INPP4B: variants seen among roughly 807,000 people sequenced by gnomAD.
INPP4B encodes the protein inositol polyphosphate 4-phosphatase type II.
INPP4B carries 55 observed loss-of-function variants against 122.5 expected under a neutral mutation model. The observed-to-expected ratio is 0.45, with a 90% CI of 0.36 to 0.56. The LOEUF (loss-of-function observed/expected upper bound fraction) is 0.56. Ranked by LOEUF, INPP4B falls within the 20% of genes least tolerant of loss-of-function variation. INPP4B has a pLI of 0.00. For synonymous variants in INPP4B, 403 were observed against 388.7 expected (o/e 1.04, Z -0.43); for missense variants, 1,000 against 1,097.7 (o/e 0.91, Z 1.26).
chr4:142,108,645 A>G (rs1204370205), intron 22 of INPP4B, among the ~76,000 whole-genome samples: 3 of 152,280 alleles, frequency 2.0e-5, no homozygotes, highest in East Asian at 3.9e-4. Flanking sequence ...AGTCTTGCCC[A>G]CACTATCAAC....
At chr4:142,645,163 A>G (rs1056445946) in intron 2 of INPP4B, among the ~76,000 whole-genome samples, 8 of 152,208 alleles carry the variant, frequency 5.3e-5, no homozygotes, top group Non-Finnish European at 7.3e-5. Context: ...ACAAAAAGTA[A>G]GGACATTTGT....
chr4:142,032,005 A>ATG (rs1740534235), intron 25 of INPP4B, among the ~76,000 whole-genome samples: 1 of 152,196 alleles, frequency 6.6e-6, no homozygotes, highest in Non-Finnish European at 1.5e-5. Context: ...AAAGATTCAT[A>ATG]TGTGTGTGAG....
intron 3 of INPP4B, among the ~76,000 whole-genome samples, chr4:142,439,904 C>A (rs1442371699): frequency 6.6e-6 from 1 of 152,202 alleles, no homozygotes; most frequent in Non-Finnish European, 1.5e-5. Context: ...TCCATGATGA[C>A]TTCTCTTTCT....
chr4:142,384,217 T>A, intron 7 of INPP4B: 1 of 670,010 alleles, frequency 1.5e-6, no homozygotes, highest in Non-Finnish European at 2.7e-6. Flanking sequence ...AGAAATACCT[T>A]AGAAAAAACA....
chr4:142,779,334 A>G (rs1774435230), intron 1 of INPP4B, among the ~76,000 whole-genome samples: 1 of 152,148 alleles, frequency 6.6e-6, no homozygotes, highest in African/African-American at 2.4e-5. Flanking sequence ...TTAATTATAT[A>G]AAGTCCCAAG....
chr4:142,620,723 TACA>T (rs576216747), intron 2 of INPP4B, among the ~76,000 whole-genome samples: 177 of 152,176 alleles, frequency 1.2e-3, no homozygotes, highest in African/African-American at 4.2e-3. Context: ...CATAGAATTT[TACA>T]ACTATTTAGC....
intron 2 of INPP4B, among the ~76,000 whole-genome samples, chr4:142,544,158 T>TGTGTGTGTGTGTGTGTGTGTGG (rs1829282690): frequency 6.6e-6 from 1 of 151,050 alleles, no homozygotes; most frequent in East Asian, 1.9e-4. Flanking sequence ...TGTGTGTGTG[T>TGTGTGTGTGTGTGTGTGTGTGG]AGGAACATAG....
chr4:142,676,930 G>A (rs762638852), intron 2 of INPP4B, among the ~76,000 whole-genome samples: 1 of 152,100 alleles, frequency 6.6e-6, no homozygotes, highest in Non-Finnish European at 1.5e-5. Context: ...ACATAGGCAT[G>A]GGCGCAGACT....
At chr4:142,600,671 T>C (rs1226664936) in intron 2 of INPP4B, among the ~76,000 whole-genome samples, 1 of 151,924 alleles carries the variant, frequency 6.6e-6, no homozygotes, top group East Asian at 1.9e-4. Context: ...CAATTAATAA[T>C]ACAACAGGAA....
At chr4:142,195,319 G>A (rs1837689518) in intron 14 of INPP4B, among the ~76,000 whole-genome samples, 1 of 152,166 alleles carries the variant, frequency 6.6e-6, no homozygotes. Context: ...TAGGCATAAA[G>A]TTTTAGTTAT....
intron 3 of INPP4B, among the ~76,000 whole-genome samples, chr4:142,452,081 G>T (rs898109892): frequency 6.6e-6 from 1 of 152,148 alleles, no homozygotes; most frequent in Non-Finnish European, 1.5e-5. Context: ...AGGCCTCTGT[G>T]TGTGATTTTC....
At chr4:142,123,531 AACT>A in intron 19 of INPP4B, 116 bp from the exon 20 acceptor site, 1 of 924,210 alleles carries the variant, frequency 1.1e-6, no homozygotes, top group Non-Finnish European at 1.6e-6. Flanking sequence ...TGTATAACAA[AACT>A]ACAACTATTT....
At chr4:142,369,629 T>TA (rs1018708769) in intron 7 of INPP4B, among the ~76,000 whole-genome samples, 19 of 146,594 alleles carry the variant, frequency 1.3e-4, no homozygotes, top group South Asian at 6.5e-4. Context: ...AATAAAAAAA[T>TA]AAAAAAAATA....
At chr4:142,088,504 TTGTG>T (rs3836670) in intron 23 of INPP4B, among the ~76,000 whole-genome samples, 1 of 150,846 alleles carries the variant, frequency 6.6e-6, no homozygotes, top group Admixed American at 6.6e-5. Context: ...CAATGTGTGC[TTGTG>T]TGTGTGTGTG....
At chr4:142,240,639 T>C (rs1858892090) in intron 11 of INPP4B, among the ~76,000 whole-genome samples, 1 of 152,182 alleles carries the variant, frequency 6.6e-6, no homozygotes, top group African/African-American at 2.4e-5. Context: ...TAGTACTAAA[T>C]TGCGTATCTT....
At chr4:142,563,908 G>A (rs1016985247) in intron 2 of INPP4B, among the ~76,000 whole-genome samples, 2 of 152,112 alleles carry the variant, frequency 1.3e-5, no homozygotes, top group Non-Finnish European at 2.9e-5. Flanking sequence ...CCTTTTCACT[G>A]ACCAGCAGCT....
At chr4:142,167,823 AC>A (rs927929168) in intron 16 of INPP4B, among the ~76,000 whole-genome samples, 96 of 151,854 alleles carry the variant, frequency 6.3e-4, no homozygotes, top group African/African-American at 2.3e-3. Flanking sequence ...TCTTTTGTGT[AC>A]ATTCAAATAT....
At chr4:142,538,643 T>C (rs1202851450) in intron 2 of INPP4B, among the ~76,000 whole-genome samples, 1 of 152,136 alleles carries the variant, frequency 6.6e-6, no homozygotes, top group Admixed American at 6.5e-5. Context: ...AAGTGTTCTC[T>C]TATGAACACT....
intron 7 of INPP4B, among the ~76,000 whole-genome samples, chr4:142,328,836 G>C (rs556399038): frequency 1.3e-5 from 2 of 151,898 alleles, no homozygotes; most frequent in Admixed American, 6.6e-5. Flanking sequence ...AATGTAAAAG[G>C]GTCCTAAAAC....
Sources: allele counts gnomAD v4.1 joint callset (sites outside exome capture counted in the v4.1 genomes callset), GRCh38; gene constraint gnomAD v4.1.1; transcripts MANE v1.5; gene names NCBI Gene and HGNC (gene_info 2026-07-23, HGNC 2026-07-21).